The following RORA variants were observed in gnomAD, a reference collection of about 807,000 sequenced individuals.
The protein encoded by RORA is nuclear receptor ROR-alpha.
A neutral mutation model predicts 69.5 loss-of-function variants in RORA; 7 were observed. That is an observed-to-expected ratio of 0.10 (90% CI 0.06 to 0.19). The LOEUF is 0.19. Among genes scored for constraint, RORA ranks in the 10% least tolerant of loss-of-function variants. The pLI, the probability that RORA is intolerant of heterozygous loss-of-function variation, is 1.00. For missense variants in RORA, 457 were observed against 663.0 expected, an observed-to-expected ratio of 0.69 and a Z score of 3.41; for synonymous variants, 261 against 240.8, an observed-to-expected ratio of 1.08 and a Z score of -0.78.
chr15:60,573,793 C>T (rs567297849), intron 2 of RORA, among the ~76,000 whole-genome samples: 2 of 152,330 alleles, frequency 1.3e-5, no homozygotes, highest in East Asian at 3.9e-4. Context: ...ATTTGTGCTC[C>T]TCCTCTGTGC....
chr15:60,589,128 G>A (rs1388753887), intron 2 of RORA, among the ~76,000 whole-genome samples: 4 of 152,120 alleles, frequency 2.6e-5, no homozygotes, highest in African/African-American at 9.7e-5. Flanking sequence ...TAACAAAAAT[G>A]GTACAAAAAT....
intron 1 of RORA, chr15:61,196,059 C>A (rs2079842934): frequency 6.6e-6 from 1 of 152,244 alleles, no homozygotes; most frequent in Non-Finnish European, 1.5e-5. Context: ...CCCCTAAGGC[C>A]TCACTGCTAT....
rs764663934 is a variant in RORA at position 61,188,421 on chromosome 15, G to C, written c.166+40632C>G. On this transcript the variant is annotated intron_variant, in intron 1 of 10. Transcript: ENST00000335670. ...GCCTAGTTTGCTGACCCTTATTCTG[G>C]GGCAGCAGTGCCCAATCTAAGAACC... Among the ~76,000 whole-genome samples the C allele has an allele frequency of 2.0e-5, 3 of 152,084 alleles. No individual in the cohort carries two copies. The East Asian group carries it at 5.8e-4, about 29-fold the overall frequency.
At chr15:60,769,340 T>A (rs1481752251) in intron 1 of RORA, among the ~76,000 whole-genome samples, 1 of 152,190 alleles carries the variant, frequency 6.6e-6, no homozygotes, top group African/African-American at 2.4e-5. Flanking sequence ...TCGTCTTTAT[T>A]CACCAGGGTT....
At chr15:60,573,551 C>T (rs1346318142) in intron 2 of RORA, among the ~76,000 whole-genome samples, 1 of 152,226 alleles carries the variant, frequency 6.6e-6, no homozygotes, top group Non-Finnish European at 1.5e-5. Flanking sequence ...CTCCCGGCAC[C>T]TTCAGTAGAA....
At chr15:60,802,589 C>T (rs948101636) in intron 1 of RORA, among the ~76,000 whole-genome samples, 6 of 151,802 alleles carry the variant, frequency 4.0e-5, no homozygotes, top group African/African-American at 9.7e-5. Flanking sequence ...TGTTTATGTG[C>T]GTGTATGTGG....
chr15:60,781,572 AGGGACGGAGAAC>A (rs915898965), intron 1 of RORA, among the ~76,000 whole-genome samples: 2 of 151,910 alleles, frequency 1.3e-5, no homozygotes, highest in Non-Finnish European at 2.9e-5. Flanking sequence ...GGGCAAGTGC[AGGGACGGAGAAC>A]GCACGCTTTG....
chr15:61,106,911 T>C (rs892932594), intron 1 of RORA, among the ~76,000 whole-genome samples: 4 of 152,246 alleles, frequency 2.6e-5, no homozygotes, highest in African/African-American at 9.6e-5. Context: ...ATGGAACACG[T>C]GCTATGTGCT....
chr15:60,850,107 G>C (rs1180925662), intron 1 of RORA, among the ~76,000 whole-genome samples: 1 of 152,164 alleles, frequency 6.6e-6, no homozygotes, highest in African/African-American at 2.4e-5. Flanking sequence ...TCCCAGGGAG[G>C]AGAATCAACA....
At chr15:61,076,772 A>G (rs933848664) in intron 1 of RORA, among the ~76,000 whole-genome samples, 15 of 152,176 alleles carry the variant, frequency 9.9e-5, no homozygotes, top group African/African-American at 3.4e-4. Flanking sequence ...ACTGCCATCA[A>G]CCGGATCTGA....
At chr15:60,652,567 G>A (rs1405215587) in intron 2 of RORA, among the ~76,000 whole-genome samples, 1 of 152,200 alleles carries the variant, frequency 6.6e-6, no homozygotes, top group Non-Finnish European at 1.5e-5. Flanking sequence ...ATTTGCATAT[G>A]TGTCCTTCCA....
intron 2 of RORA, among the ~76,000 whole-genome samples, chr15:60,579,071 T>G (rs1246297429): frequency 1.3e-5 from 2 of 150,602 alleles, no homozygotes; most frequent in East Asian, 1.9e-4. Flanking sequence ...CCGGTTTTTT[T>G]TTTTTTTTTT....
chr15:60,515,927 TTATATATA>T (rs377733976), intron 3 of RORA, among the ~76,000 whole-genome samples: 1 of 47,828 alleles, frequency 2.1e-5, no homozygotes, highest in Middle Eastern at 0.011. Context: ...ATATATATAT[TTATATATA>T]TATTTATATA....
At chr15:60,526,073 AGTT>A (rs1405368022) in intron 3 of RORA, among the ~76,000 whole-genome samples, 1 of 152,184 alleles carries the variant, frequency 6.6e-6, no homozygotes, top group Non-Finnish European at 1.5e-5. Flanking sequence ...GAGGAAAAAA[AGTT>A]GTTCTTTAGA....
chr15:61,205,022 T>C lies in RORA; in HGVS notation c.166+24031A>G, dbSNP rs574698734. Among the ~76,000 whole-genome samples the C allele has an allele frequency of 5.3e-5, 8 of 152,362 alleles. No homozygotes were observed. In the East Asian group the frequency reaches 1.5e-3, roughly 29 times the overall value. The stretch of plus-strand genomic sequence containing the variant: ...TGCTGTTCTCGTGTTTGGCCTACGC[T>C]GGGCCAAATCCTGCCCCAAAATATC... On this transcript the variant is annotated intron_variant, in intron 1 of 10. Transcript: ENST00000335670.
At chr15:61,215,193 T>C (rs1004277665) in intron 1 of RORA, among the ~76,000 whole-genome samples, 3 of 152,016 alleles carry the variant, frequency 2.0e-5, no homozygotes, top group Non-Finnish European at 4.4e-5. Context: ...CTTCTTGTAC[T>C]TTTAAATCTA....
chr15:60,642,459 A>G (rs554124073), intron 2 of RORA, among the ~76,000 whole-genome samples: 2 of 152,340 alleles, frequency 1.3e-5, no homozygotes, highest in African/African-American at 4.8e-5. Flanking sequence ...AGCCCTGCTT[A>G]GAAATATAAT....
chr15:60,700,143 A>G (rs1031131561), intron 1 of RORA, among the ~76,000 whole-genome samples: 1 of 152,216 alleles, frequency 6.6e-6, no homozygotes, highest in Non-Finnish European at 1.5e-5. Flanking sequence ...AAACTGGAGC[A>G]TGGGAAGAAT....
chr15:60,993,420 C>T (rs953514273), intron 1 of RORA, among the ~76,000 whole-genome samples: 2 of 151,984 alleles, frequency 1.3e-5, no homozygotes, highest in African/African-American at 4.8e-5. Flanking sequence ...CGGTGGATTA[C>T]CTGAGGTCAG....
Sources: gnomAD v4.1 joint callset for allele counts (sites outside exome capture counted in the v4.1 genomes callset) on GRCh38, gnomAD v4.1.1 for gene constraint, MANE v1.5 for transcripts, NCBI Gene and HGNC (gene_info 2026-07-23, HGNC 2026-07-21) for gene names.